The following SLC24A4 variants were observed in gnomAD, a reference collection of about 807,000 sequenced individuals.
SLC24A4 encodes the protein sodium/potassium/calcium exchanger 4.
In SLC24A4, 53 loss-of-function variants were observed where a neutral mutation model predicts 79.0. The observed-to-expected ratio is 0.67, with a 90% CI of 0.54 to 0.84. SLC24A4 has a LOEUF of 0.84. Ranked by LOEUF, SLC24A4 falls within the 40% of genes least tolerant of loss-of-function variation. SLC24A4 has a pLI of 0.00. For missense variants in SLC24A4, 731 were observed against 822.0 expected (o/e 0.89, Z 1.35); for synonymous variants, 323 against 323.8 (o/e 1.00, Z 0.03).
In SLC24A4 at chr14:92,439,323, T is replaced by C; in HGVS notation, c.319-12T>C. ...CCTCACCGACCCTGCCTGTCTCCTC[T>C]CTCCTTTGCAGGCTCTGTATATGTT... On this transcript the variant is annotated splice_polypyrimidine_tract_variant and intron_variant, in intron 3 of 16. Coordinates refer to ENST00000532405, the MANE Select transcript of SLC24A4 (RefSeq NM_153646.4). 1 of 1,611,550 alleles carries C rather than the reference T, an allele frequency of 6.2e-7. No individual in the cohort carries two copies. Among genetic ancestry groups the C allele is most frequent in the Non-Finnish European group, 8.5e-7 (1 of 1,177,870 alleles).
chr14:92,383,774 A>G (rs1421565182), intron 2 of SLC24A4, among the ~76,000 whole-genome samples: 4 of 152,186 alleles, frequency 2.6e-5, no homozygotes, highest in Admixed American at 6.5e-5. Flanking sequence ...CCAGACATCT[A>G]CACGCCCTCG....
At position 92,493,777 on chromosome 14, in the gene SLC24A4, T is replaced by C. The variant is rs1299467389; in HGVS notation, c.*149T>C. On this transcript the variant is annotated 3_prime_UTR_variant, in exon 17 of 17. Coordinates refer to ENST00000532405, the MANE Select transcript of SLC24A4 (RefSeq NM_153646.4). ...TGGAAGGAAGAGCCATCGTGGTCTT[T>C]GTCTGGCCACAGGCCAGGCTGCTGG... 18 of 974,478 alleles carry C rather than the reference T, an allele frequency of 1.8e-5. No homozygotes were observed. Among genetic ancestry groups the C allele is most frequent in the Non-Finnish European group, 2.5e-5 (17 of 674,234 alleles). The allele number at this position is 974,478 out of a possible 1,614,324, so 60.4% of individuals were successfully genotyped here.
chr14:92,449,613 G>A (rs1412360256), intron 10 of SLC24A4, among the ~76,000 whole-genome samples: 1 of 152,210 alleles, frequency 6.6e-6, no homozygotes, highest in Admixed American at 6.5e-5. Flanking sequence ...AGCCAGCCTG[G>A]GCCTCCCTGC....
intron 2 of SLC24A4, among the ~76,000 whole-genome samples, chr14:92,431,219 G>A (rs1455180454): frequency 6.6e-6 from 1 of 152,252 alleles, no homozygotes; most frequent in Non-Finnish European, 1.5e-5. Flanking sequence ...GAGTCTGTAA[G>A]TTAATGATGC....
At chr14:92,425,301 G>T (rs773612865) in intron 2 of SLC24A4, among the ~76,000 whole-genome samples, 3 of 152,198 alleles carry the variant, frequency 2.0e-5, no homozygotes, top group Admixed American at 6.5e-5. Flanking sequence ...GACAGCCCCT[G>T]CTGACTAATA....
At chr14:92,467,174 G>A (rs1363023302) in intron 12 of SLC24A4, among the ~76,000 whole-genome samples, 3 of 152,190 alleles carry the variant, frequency 2.0e-5, no homozygotes, top group Admixed American at 6.5e-5. Context: ...ACCTTCATGG[G>A]ACTTGGTTTT....
intron 2 of SLC24A4, among the ~76,000 whole-genome samples, chr14:92,339,580 T>C (rs1022855602): frequency 2.0e-5 from 3 of 152,180 alleles, no homozygotes; most frequent in African/African-American, 7.2e-5. Context: ...GCAGCCTGGC[T>C]CCGGAGGCTT....
chr14:92,344,115 T>C (rs1886389311), intron 2 of SLC24A4, among the ~76,000 whole-genome samples: 1 of 152,248 alleles, frequency 6.6e-6, no homozygotes, highest in Non-Finnish European at 1.5e-5. Flanking sequence ...ATCCATTGAC[T>C]TCAGACATGG....
In SLC24A4 at chr14:92,323,875, G is replaced by C; in HGVS notation, c.45G>C (p.Arg15Ser). The C allele has an allele frequency of 6.2e-7, 1 of 1,603,634 alleles. No homozygotes were observed. Among genetic ancestry groups the C allele is most frequent in the Non-Finnish European group, 8.5e-7 (1 of 1,179,234 alleles). Residue 15 changes from arginine to serine, a missense_variant, in exon 1 of 17, where the codon AGG (arginine) becomes AGC (serine). By Grantham distance (110) the Arg-to-Ser change is moderately radical. Coordinates refer to ENST00000532405, the MANE Select transcript of SLC24A4 (RefSeq NM_153646.4). The surrounding 1 kb of genome is among the most constrained non-coding windows in gnomAD (Gnocchi z 4.9). ...GTLRPLKVRR[R>S]REMLPQQVGF... ...TCCGGCCGCTCAAAGTTCGCAGGAGGCGAGAGATGCTGCCGCAGCAAGTCG... is the reference window on the plus strand; with the variant it reads ...TCCGGCCGCTCAAAGTTCGCAGGAGCCGAGAGATGCTGCCGCAGCAAGTCG...
chr14:92,455,793 C>T (rs960129559), intron 11 of SLC24A4, among the ~76,000 whole-genome samples: 3 of 152,066 alleles, frequency 2.0e-5, no homozygotes, highest in East Asian at 1.9e-4. Context: ...CTCTGCCTCC[C>T]GGGTTCAAGC....
In SLC24A4 at chr14:92,398,976, G is replaced by A. The variant is rs1391684540; in HGVS notation, c.242-34936G>A. 2.0e-5 allele frequency among the ~76,000 whole-genome samples: 3 copies of A among 152,216 alleles called. No individual in the cohort carries two copies. Among genetic ancestry groups the A allele is most frequent in the African/African-American group, 4.8e-5 (2 of 41,464 alleles). ...CTCTCCAGTATTTGAGGATGATCAA[G>A]TATCCTACTTCAGGGGGATTCTAGC... On this transcript the variant is annotated intron_variant, in intron 2 of 16. Coordinates refer to ENST00000532405, the MANE Select transcript of SLC24A4 (RefSeq NM_153646.4). This position sits in a 1 kb window ranked among gnomAD's most constrained non-coding sequence, Gnocchi z 4.1.
intron 3 of SLC24A4, among the ~76,000 whole-genome samples, chr14:92,435,469 C>T (rs990797616): frequency 2.0e-4 from 31 of 152,132 alleles, no homozygotes; most frequent in Non-Finnish European, 2.2e-4. Flanking sequence ...ATTATCTGCC[C>T]CTTTACAGAA....
chr14:92,323,871 G>T lies in SLC24A4; in HGVS notation c.41G>T (p.Arg14Met). Residue 14 changes from arginine (R) to methionine (M), a missense_variant, in exon 1 of 17, where the codon AGG (arginine) becomes ATG (methionine). Coordinates refer to ENST00000532405, the MANE Select transcript of SLC24A4 (RefSeq NM_153646.4). The surrounding 1 kb of genome is among the most constrained non-coding windows in gnomAD (Gnocchi z 4.9). Reference sequence around the variant, plus strand: ...ACCCTCCGGCCGCTCAAAGTTCGCAGGAGGCGAGAGATGCTGCCGCAGCAA... The same window carrying T: ...ACCCTCCGGCCGCTCAAAGTTCGCATGAGGCGAGAGATGCTGCCGCAGCAA... ...RGTLRPLKVR[R>M]RREMLPQQVG... is the part of the protein sequence containing the mutation. The T allele has an allele frequency of 6.2e-7, 1 of 1,602,464 alleles. No homozygotes were observed. The highest frequency in any genetic ancestry group is 1.1e-5 in the South Asian group (1 of 90,346).
intron 12 of SLC24A4, chr14:92,457,282 A>G (rs78863223): frequency 0.26 from 25,355 of 95,940 alleles, 2,247 homozygotes; most frequent in African/African-American, 0.4. Context: ...TGTCATTCCT[A>G]GAACACACTG....
chr14:92,345,672 G>A (rs1345417533), intron 2 of SLC24A4, among the ~76,000 whole-genome samples: 3 of 152,004 alleles, frequency 2.0e-5, no homozygotes, highest in African/African-American at 4.8e-5. Context: ...ACTGCACTGC[G>A]GCCTGGGTGA....
chr14:92,345,464 G>A (rs956175099), intron 2 of SLC24A4, among the ~76,000 whole-genome samples: 11 of 152,220 alleles, frequency 7.2e-5, no homozygotes, highest in African/African-American at 2.7e-4. Context: ...ACTTTGGGAG[G>A]CCAAGGCGGG....
intron 8 of SLC24A4, among the ~76,000 whole-genome samples, chr14:92,446,473 C>T (rs554438928): frequency 2.4e-4 from 36 of 152,262 alleles, no homozygotes; most frequent in African/African-American, 6.3e-4. Context: ...ACAATCAGGC[C>T]GAGGACATCA....
In SLC24A4 at chr14:92,323,822, C is replaced by A; in HGVS notation, c.-9C>A. 6.4e-7 allele frequency: 1 copy of A among 1,562,208 alleles called. No homozygotes were observed. The highest frequency in any genetic ancestry group is 8.6e-7 in the Non-Finnish European group (1 of 1,161,268). On this transcript the variant is annotated 5_prime_UTR_variant, in exon 1 of 17. Coordinates refer to ENST00000532405, the MANE Select transcript of SLC24A4 (RefSeq NM_153646.4). This position sits in a 1 kb window ranked among gnomAD's most constrained non-coding sequence, Gnocchi z 4.9. Reference sequence around the variant, plus strand: ...TCCTCTCCCAGAGACGGCACCCAGGCGCTCCGGGATGGCGCTCCGCGGGAC... The same window carrying A: ...TCCTCTCCCAGAGACGGCACCCAGGAGCTCCGGGATGGCGCTCCGCGGGAC...
intron 2 of SLC24A4, among the ~76,000 whole-genome samples, chr14:92,376,949 T>A (rs1888544963): frequency 6.6e-6 from 1 of 152,172 alleles, no homozygotes; most frequent in African/African-American, 2.4e-5. Context: ...GCCCAAAATG[T>A]CAGCAGTGCT....
Sources: gnomAD v4.1 joint callset for allele counts (sites outside exome capture counted in the v4.1 genomes callset) on GRCh38, gnomAD v4.1.1 for gene constraint, Gnocchi (gnomAD v3.1) non-coding constraint, MANE v1.5 for transcripts, NCBI Gene and HGNC (gene_info 2026-07-23, HGNC 2026-07-21) for gene names.